Variants in WWOX observed in about 807,000 individuals in gnomAD.
WWOX encodes WW domain-containing oxidoreductase.
WWOX carries 69 observed loss-of-function variants against 46.2 expected under a neutral mutation model. The ratio of observed to expected loss-of-function variants is 1.49; its 90% confidence interval spans 1.23 to 1.82. WWOX has a LOEUF of 1.82. Ranked by LOEUF, WWOX falls within the 40% of genes most tolerant of loss-of-function variation. The probability of loss-of-function intolerance (pLI) is 0.00; values close to 1 mark genes in which losing one functional copy is unlikely to be tolerated. For synonymous variants in WWOX, 359 were observed against 202.6 expected, an observed-to-expected ratio of 1.77 and a Z score of -6.56; for missense variants, 919 against 542.6, an observed-to-expected ratio of 1.69 and a Z score of -6.89.
rs1250576360 is a variant in WWOX, at chr16:78,326,580, C to A, written c.517-60280C>A. Among the ~76,000 whole-genome samples the A allele has an allele frequency of 1.6e-4, 11 of 66,812 alleles. 3 individuals carry two copies. The highest frequency in any genetic ancestry group is 5.6e-4 in the African/African-American group (9 of 16,014). 43.8% of individuals were successfully genotyped at this position (66,812 alleles called of 152,430 possible). ...TATTTCTGCCTGCCCTCCCCCCGCC[C>A]CCCCCCCCCGCAATGCCTCAATCTG... On this transcript the variant is annotated intron_variant, in intron 5 of 8. Transcript: ENST00000566780.
chr16:78,394,559 G>A (rs1291852882), intron 6 of WWOX, among the ~76,000 whole-genome samples: 1 of 152,080 alleles, frequency 6.6e-6, no homozygotes, highest in Non-Finnish European at 1.5e-5. Context: ...TTCTGAAATA[G>A]ATCATACACT....
At chr16:78,938,531 C>T (rs1448236860) in intron 8 of WWOX, among the ~76,000 whole-genome samples, 4 of 151,826 alleles carry the variant, frequency 2.6e-5, no homozygotes, top group Non-Finnish European at 5.9e-5. Context: ...CCTGTCCCGT[C>T]GGTATTAGCA....
chr16:79,109,085 T>C (rs2049365926), intron 8 of WWOX, among the ~76,000 whole-genome samples: 1 of 152,064 alleles, frequency 6.6e-6, no homozygotes, highest in South Asian at 2.1e-4. Flanking sequence ...GTGTGTGCCC[T>C]GGGTTCCTCT....
At chr16:78,993,499 A>G (rs1307961221) in intron 8 of WWOX, among the ~76,000 whole-genome samples, 1 of 152,168 alleles carries the variant, frequency 6.6e-6, no homozygotes, top group Non-Finnish European at 1.5e-5. Flanking sequence ...ATAAATGACT[A>G]ATCAGCACGC....
intron 4 of WWOX, chr16:78,123,440 G>GTTTTGTTTTGTTTTGTTTTTTT (rs1567584444): frequency 2.0e-5 from 1 of 50,500 alleles, no homozygotes; most frequent in Admixed American, 2.4e-4. Context: ...TTTTTGTTTT[G>GTTTTGTTTTGTTTTGTTTTTTT]TTTTTTTTTT....
intron 8 of WWOX, among the ~76,000 whole-genome samples, chr16:79,210,725 C>G (rs1257423690): frequency 6.6e-6 from 1 of 152,066 alleles, no homozygotes; most frequent in Non-Finnish European, 1.5e-5. Context: ...TTATGGCTTG[C>G]AAAGCAAAGT....
chr16:78,645,925 T>A (rs2046829187), intron 8 of WWOX, among the ~76,000 whole-genome samples: 1 of 152,192 alleles, frequency 6.6e-6, no homozygotes, highest in African/African-American at 2.4e-5. Flanking sequence ...TGGCCACATC[T>A]TCCATCCTTA....
intron 8 of WWOX, among the ~76,000 whole-genome samples, chr16:78,878,117 C>T (rs13337942): frequency 5.9e-5 from 9 of 152,190 alleles, no homozygotes; most frequent in South Asian, 2.1e-4. Flanking sequence ...CACTGGGGTT[C>T]GGAATACAAC....
chr16:78,828,778 A>T (rs1297499732), intron 8 of WWOX, among the ~76,000 whole-genome samples: 1 of 152,088 alleles, frequency 6.6e-6, no homozygotes, highest in Non-Finnish European at 1.5e-5. Context: ...TTATTTCTCT[A>T]TTGCAATTGC....
At chr16:78,609,130 G>A (rs2045836193) in intron 8 of WWOX, among the ~76,000 whole-genome samples, 1 of 152,136 alleles carries the variant, frequency 6.6e-6, no homozygotes, top group Non-Finnish European at 1.5e-5. Flanking sequence ...TTACAGAGGG[G>A]CAGGGGAAGG....
At chr16:78,612,189 C>G (rs2045916813) in intron 8 of WWOX, among the ~76,000 whole-genome samples, 1 of 152,182 alleles carries the variant, frequency 6.6e-6, no homozygotes, top group African/African-American at 2.4e-5. Context: ...AGCACTGTTT[C>G]CCAAGAGTGA....
rs759645961 is a variant in WWOX, at chr16:78,412,666, C to T, written c.606-12204C>T. Reference sequence around the variant, plus strand: ...AGTGAGGGAGGAGCAGGATCCTCTGCAACAGGGCAGTCTAGTCTTAGCAGA... The same window carrying T: ...AGTGAGGGAGGAGCAGGATCCTCTGTAACAGGGCAGTCTAGTCTTAGCAGA... On this transcript the variant is annotated intron_variant, in intron 6 of 8. Coordinates refer to ENST00000566780, the MANE Select transcript of WWOX (RefSeq NM_016373.4). Among the ~76,000 whole-genome samples, 26 of 152,118 alleles carry T rather than the reference C, an allele frequency of 1.7e-4. 1 individual carries two copies. Among genetic ancestry groups the T allele is most frequent in the African/African-American group, 4.8e-5 (2 of 41,422 alleles).
At chr16:78,389,396 C>G (rs1375812411) in intron 6 of WWOX, among the ~76,000 whole-genome samples, 1 of 152,206 alleles carries the variant, frequency 6.6e-6, no homozygotes, top group Admixed American at 6.5e-5. Flanking sequence ...TAACCGCACA[C>G]AAGCTGTCAC....
chr16:78,611,156 G>A (rs573111978), intron 8 of WWOX, among the ~76,000 whole-genome samples: 12 of 152,108 alleles, frequency 7.9e-5, no homozygotes, highest in African/African-American at 2.7e-4. Context: ...TTATTGAAAC[G>A]ACTGAAATAG....
chr16:78,842,644 G>A (rs900865254), intron 8 of WWOX, among the ~76,000 whole-genome samples: 1 of 152,148 alleles, frequency 6.6e-6, no homozygotes, highest in Non-Finnish European at 1.5e-5. Flanking sequence ...CGGATGGATT[G>A]CTGGAGCTCA....
At chr16:78,411,940 C>T (rs564419087) in intron 6 of WWOX, among the ~76,000 whole-genome samples, 82 of 152,296 alleles carry the variant, frequency 5.4e-4, no homozygotes, top group African/African-American at 1.6e-3. Context: ...TGTTTCCGCC[C>T]GATTCCATGG....
intron 8 of WWOX, among the ~76,000 whole-genome samples, chr16:78,835,812 C>T (rs561563223): frequency 6.6e-6 from 1 of 152,288 alleles, no homozygotes; most frequent in Admixed American, 6.5e-5. Flanking sequence ...AAAATGTCTT[C>T]AACTTCTTTT....
At chr16:78,611,696 T>G (rs1275041419) in intron 8 of WWOX, among the ~76,000 whole-genome samples, 1 of 152,266 alleles carries the variant, frequency 6.6e-6, no homozygotes, top group East Asian at 1.9e-4. Context: ...CAAATATCAG[T>G]GCTTTCAGCA....
chr16:78,533,401 G>C (rs917434471), intron 8 of WWOX, among the ~76,000 whole-genome samples: 1 of 116,280 alleles, frequency 8.6e-6, no homozygotes, highest in African/African-American at 2.8e-5. Flanking sequence ...ATATACAATT[G>C]TTGATGAGCT....
Sources: gnomAD v4.1 joint callset for allele counts (sites outside exome capture counted in the v4.1 genomes callset) on GRCh38, gnomAD v4.1.1 for gene constraint, MANE v1.5 for transcripts, NCBI Gene and HGNC (gene_info 2026-07-23, HGNC 2026-07-21) for gene names.